Variants in PPHLN1 observed in about 807,000 individuals in gnomAD.
The protein encoded by PPHLN1 is periphilin 1.
In PPHLN1, 29 loss-of-function variants were observed where a neutral mutation model predicts 51.3. The observed-to-expected ratio is 0.57, with a 90% CI of 0.42 to 0.77. PPHLN1 has a LOEUF of 0.77. Ranked by LOEUF, PPHLN1 falls within the 30% of genes least tolerant of loss-of-function variation. The pLI is 0.00. For synonymous variants in PPHLN1, 147 were observed against 147.8 expected, an observed-to-expected ratio of 0.99 and a Z score of 0.04; for missense variants, 436 against 438.4, an observed-to-expected ratio of 0.99 and a Z score of 0.05.
At chr12:42,435,336 G>A (rs2082387627) in intron 9 of PPHLN1, among the ~76,000 whole-genome samples, 1 of 152,154 alleles carries the variant, frequency 6.6e-6, no homozygotes, top group South Asian at 2.1e-4. Flanking sequence ...ATTGAATGTA[G>A]GCACTATAGC....
chr12:42,344,162 G>A (rs562398394), intron 2 of PPHLN1, among the ~76,000 whole-genome samples: 3 of 152,134 alleles, frequency 2.0e-5, no homozygotes, highest in Non-Finnish European at 4.4e-5. Flanking sequence ...TGTTCTAGGT[G>A]CTGGGAATAG....
chr12:42,360,658 C>T (rs1195887381), intron 4 of PPHLN1, among the ~76,000 whole-genome samples: 1 of 151,588 alleles, frequency 6.6e-6, no homozygotes, highest in African/African-American at 2.4e-5. Flanking sequence ...CCACCGCTGG[C>T]TAATTTTTGT....
intron 7 of PPHLN1, 54 bp from the exon 8 acceptor site, chr12:42,393,516 T>G: frequency 6.7e-6 from 10 of 1,490,944 alleles, no homozygotes; most frequent in Non-Finnish European, 9.0e-6. Flanking sequence ...TCTTGGTGTA[T>G]TTGAAGTTTA....
chr12:42,364,512 AC>A (rs1258174694), intron 4 of PPHLN1, among the ~76,000 whole-genome samples: 3 of 151,980 alleles, frequency 2.0e-5, no homozygotes, highest in Non-Finnish European at 2.9e-5. Context: ...TGCGCTTGGT[AC>A]CTTTGGAAGC....
At chr12:42,373,497 A>G (rs1406613560) in intron 4 of PPHLN1, among the ~76,000 whole-genome samples, 4 of 152,216 alleles carry the variant, frequency 2.6e-5, no homozygotes, top group Non-Finnish European at 2.9e-5. Context: ...TGGACTGCCA[A>G]TCAAGATGCT....
At chr12:42,351,311 G>T (rs960378077) in intron 2 of PPHLN1, 3 of 152,112 alleles carry the variant, frequency 2.0e-5, no homozygotes, top group African/African-American at 7.2e-5. Flanking sequence ...CATTAACAAG[G>T]TATTCCAGTA....
intron 3 of PPHLN1, among the ~76,000 whole-genome samples, chr12:42,354,186 G>A (rs971324683): frequency 2.0e-5 from 3 of 152,066 alleles, no homozygotes; most frequent in Non-Finnish European, 4.4e-5. Flanking sequence ...TTCCTGATAC[G>A]TAATTTGCAT....
In PPHLN1 at chr12:42,390,171, G is replaced by C. The variant is rs552660680; in HGVS notation, c.648+2636G>C. Among the ~76,000 whole-genome samples, 5 of 152,222 alleles carry C rather than the reference G, an allele frequency of 3.3e-5. No homozygotes were observed. The East Asian group carries it at 9.7e-4, about 29-fold the overall frequency. ...CCTAGCGGTATATACTGGGTGTCTG[G>C]GGGGCAGCTGCTTCCCTGCCTCAGG... On this transcript the variant is annotated intron_variant, in intron 7 of 9. Coordinates refer to ENST00000358314, the MANE Select transcript of PPHLN1 (RefSeq NM_201439.2).
chr12:42,398,873 T>C lies in PPHLN1; in HGVS notation c.788T>C (p.Leu263Ser). Residue 263 changes from leucine (L) to serine (S), a missense_variant, in exon 9 of 10, where the codon TTG becomes TCG. Leu to Ser is a moderately radical substitution (Grantham distance 145). Transcript: ENST00000358314. ...TTCAAGGCGGGATCCACAGCACCAT[T>C]GTTTACTGACCAGCCAGAGGAACCT... ...SEYEAGSTAP[L>S]FTDQPEEPES... The C allele has an allele frequency of 6.2e-7, 1 of 1,614,006 alleles. No individual in the cohort carries two copies. Among genetic ancestry groups the C allele is most frequent in the East Asian group, 2.2e-5 (1 of 44,868 alleles).
intron 1 of PPHLN1, chr12:42,329,874 A>T (rs1293547324): frequency 2.0e-5 from 3 of 152,106 alleles, no homozygotes; most frequent in Non-Finnish European, 4.4e-5. Context: ...AAGTATAGAG[A>T]AAGAACAGTG....
chr12:42,388,006 C>T (rs1297438768), intron 7 of PPHLN1, among the ~76,000 whole-genome samples: 1 of 152,232 alleles, frequency 6.6e-6, no homozygotes. Flanking sequence ...GGGCACAATG[C>T]ACTGCGGAAC....
downstream of PPHLN1, chr12:42,443,849 C>G (rs1404933761): frequency 6.6e-6 from 1 of 152,162 alleles, no homozygotes; most frequent in East Asian, 1.9e-4. Flanking sequence ...ATACTATTCC[C>G]CTTGCAGAAC....
chr12:42,424,281 A>T (rs1251109750), intron 9 of PPHLN1, among the ~76,000 whole-genome samples: 1 of 152,228 alleles, frequency 6.6e-6, no homozygotes, highest in East Asian at 1.9e-4. Flanking sequence ...AAGTAAAGGC[A>T]AAGTATTGAA....
chr12:42,442,736 C>T (rs1454541927), downstream of PPHLN1: 3 of 1,613,418 alleles, frequency 1.9e-6, no homozygotes, highest in Non-Finnish European at 2.5e-6. Flanking sequence ...AGAGACTGCG[C>T]AGTCAGTAAG....
At chr12:42,361,944 G>T (rs2074740337) in intron 4 of PPHLN1, among the ~76,000 whole-genome samples, 1 of 152,130 alleles carries the variant, frequency 6.6e-6, no homozygotes. Flanking sequence ...TCTTTTTGAG[G>T]AACCATCAAG....
intron 9 of PPHLN1, among the ~76,000 whole-genome samples, chr12:42,419,648 T>C (rs186051523): frequency 1.3e-5 from 2 of 152,352 alleles, no homozygotes; most frequent in South Asian, 4.1e-4. Context: ...CTGTGTTGTT[T>C]AGTATGAATA....
At chr12:42,410,178 ATG>A (rs762603435) in intron 9 of PPHLN1, among the ~76,000 whole-genome samples, 3,522 of 136,756 alleles carry the variant, frequency 0.026, 61 homozygotes, top group Non-Finnish European at 0.038. Context: ...TTTTCATTCC[ATG>A]TTTTTTTTTT....
intron 4 of PPHLN1, among the ~76,000 whole-genome samples, chr12:42,372,041 A>C (rs901167426): frequency 6.6e-6 from 1 of 150,542 alleles, no homozygotes; most frequent in Non-Finnish European, 1.5e-5. Context: ...CTCTCACCCT[A>C]CTCCCCCTTC....
intron 6 of PPHLN1, 95 bp downstream of exon 6, chr12:42,385,091 C>T: frequency 7.8e-7 from 1 of 1,280,630 alleles, no homozygotes; most frequent in Non-Finnish European, 1.1e-6. Flanking sequence ...TATAACTGCT[C>T]CATTAGTCTA....
Sources: gnomAD v4.1 joint callset for allele counts (sites outside exome capture counted in the v4.1 genomes callset) on GRCh38, gnomAD v4.1.1 for gene constraint, MANE v1.5 for transcripts, NCBI Gene and HGNC (gene_info 2026-07-23, HGNC 2026-07-21) for gene names.